PLG: variants seen among roughly 807,000 people sequenced by gnomAD.
PLG encodes plasmin.
PLG carries 41 observed loss-of-function variants against 104.4 expected under a neutral mutation model. That is an observed-to-expected ratio of 0.39 (90% CI 0.31 to 0.51). PLG has a LOEUF of 0.51. Ranked by LOEUF, PLG falls within the 20% of genes least tolerant of loss-of-function variation. The pLI is 0.76. For synonymous variants in PLG, 337 were observed against 357.1 expected (o/e 0.94, Z 0.63); for missense variants, 891 against 1,003.6 (o/e 0.89, Z 1.52).
intron 1 of PLG, among the ~76,000 whole-genome samples, chr6:160,703,500 C>T (rs1777462944): frequency 1.3e-5 from 2 of 152,184 alleles, no homozygotes; most frequent in Admixed American, 1.3e-4. Flanking sequence ...CCATTTTGAA[C>T]ATTTCATACA....
chr6:160,739,421 T>C lies in PLG; in HGVS notation c.2018+213T>C, dbSNP rs1244254204. 6.6e-6 allele frequency among the ~76,000 whole-genome samples: 1 copy of C among 152,136 alleles called. No homozygotes were observed. The highest frequency in any genetic ancestry group is 1.5e-5 in the Non-Finnish European group (1 of 68,042). ...AAGGCAGCAGGACTCCGTTTTCTCA[T>C]GTGGAAAAAGAGTTGAAATGAGGTA... is the stretch of plus-strand genomic sequence containing the variant. On this transcript the variant is annotated intron_variant, in intron 16 of 18. Transcript: ENST00000308192. The surrounding 1 kb of genome is among the most constrained non-coding windows in gnomAD (Gnocchi z 4.4).
chr6:160,735,517 C>A lies in PLG; in HGVS notation c.1682-1370C>A, dbSNP rs974687216. Among the ~76,000 whole-genome samples, 2 of 152,178 alleles carry A rather than the reference C, an allele frequency of 1.3e-5. No individual in the cohort carries two copies. Among genetic ancestry groups the A allele is most frequent in the African/African-American group, 4.8e-5 (2 of 41,438 alleles). On this transcript the variant is annotated intron_variant, in intron 13 of 18. Coordinates refer to ENST00000308192, the MANE Select transcript of PLG (RefSeq NM_000301.5). This position sits in a 1 kb window ranked among gnomAD's most constrained non-coding sequence, Gnocchi z 5.4. Reference sequence around the variant, plus strand: ...AAGGACTGTGAGGTCCCCCACCTAACCTTGATGTGAGACAAGTGAGGTTAA... The same window carrying A: ...AAGGACTGTGAGGTCCCCCACCTAAACTTGATGTGAGACAAGTGAGGTTAA...
Position 160,736,244 on chromosome 6 carries a change from A to G in PLG, c.1682-643A>G, listed in dbSNP as rs892355362. ...CAGAGAGAAGGCAGGGAGGAGGAAA[A>G]GAAGAATAAAGTCATATGTTTAAGT... On this transcript the variant is annotated intron_variant, in intron 13 of 18. Coordinates refer to ENST00000308192, the MANE Select transcript of PLG (RefSeq NM_000301.5). The surrounding 1 kb of genome is among the most constrained non-coding windows in gnomAD (Gnocchi z 5.2). Among the ~76,000 whole-genome samples the G allele has an allele frequency of 1.3e-5, 2 of 152,144 alleles. No homozygotes were observed. Among genetic ancestry groups the G allele is most frequent in the African/African-American group, 4.8e-5 (2 of 41,416 alleles).
chr6:160,712,016 T>G (rs1777652633), intron 4 of PLG: 2 of 737,488 alleles, frequency 2.7e-6, no homozygotes, highest in Admixed American at 9.3e-5. Flanking sequence ...TTACTCACCT[T>G]TATCCATTCC....
intron 1 of PLG, among the ~76,000 whole-genome samples, chr6:160,704,152 G>A (rs1437245963): frequency 6.6e-6 from 1 of 152,172 alleles, no homozygotes; most frequent in Non-Finnish European, 1.5e-5. Flanking sequence ...TAAAAGATTT[G>A]TTTGATGTTT....
Position 160,706,669 on chromosome 6 carries a change from G to T in PLG, c.185+127G>T. 10 of 954,070 alleles carry T rather than the reference G, an allele frequency of 1.0e-5. No homozygotes were observed. In the South Asian group the frequency reaches 1.5e-4, roughly 14 times the overall value. 59.1% of individuals were successfully genotyped at this position (954,070 alleles called of 1,614,324 possible). On this transcript the variant is annotated intron_variant, in intron 2 of 18. Coordinates refer to ENST00000308192, the MANE Select transcript of PLG (RefSeq NM_000301.5). ...GGAGCCAGAGTTTGGAACTATATTT[G>T]CTCACAGTATGTGAAGCCATACTAA...
intron 1 of PLG, chr6:160,705,440 T>C (rs1315696391): frequency 6.6e-6 from 1 of 152,198 alleles, no homozygotes; most frequent in Non-Finnish European, 1.5e-5. Context: ...AGGTCCTGCT[T>C]TTTTACAATT....
rs557814370 is a variant in PLG at position 160,753,455 on chromosome 6, G to A, written c.*394G>A. The A allele has an allele frequency of 3.0e-6, 1 of 337,758 alleles. No homozygotes were observed. Among genetic ancestry groups the A allele is most frequent in the South Asian group, 2.6e-5 (1 of 38,652 alleles). 20.9% of individuals were successfully genotyped at this position (337,758 alleles called of 1,614,324 possible). A position where few individuals can be genotyped will look rare whatever the true frequency, so the allele number is the denominator to read the frequency against. Reference sequence around the variant, plus strand: ...AGGGGAGAGCCAAGAAGTTGTCCACGCATTTACCTCATCAGCTAACGAGGG... The same window carrying A: ...AGGGGAGAGCCAAGAAGTTGTCCACACATTTACCTCATCAGCTAACGAGGG... On this transcript the variant is annotated 3_prime_UTR_variant, in exon 19 of 19. Coordinates refer to ENST00000308192, the MANE Select transcript of PLG (RefSeq NM_000301.5). This position sits in a 1 kb window ranked among gnomAD's most constrained non-coding sequence, Gnocchi z 5.4.
intron 2 of PLG, among the ~76,000 whole-genome samples, chr6:160,707,280 G>A (rs564252669): frequency 1.3e-5 from 2 of 152,142 alleles, no homozygotes; most frequent in African/African-American, 2.4e-5. Flanking sequence ...GATGGGAGGG[G>A]TCAGGGGCCA....
rs923055542 is a variant in PLG, at chr6:160,731,874, G to A, written c.1568G>A (p.Arg523Gln). The A allele has an allele frequency of 5.0e-6, 8 of 1,613,936 alleles. No individual in the cohort carries two copies. Among genetic ancestry groups the A allele is most frequent in the East Asian group, 2.2e-5 (1 of 44,884 alleles). ...HSIFTPETNPRAGLEKNYCRN... is the reference protein window; with the variant it reads ...HSIFTPETNPQAGLEKNYCRN... ...ATTTTCACTCCAGAGACAAATCCAC[G>A]GGCGGGTCTGGAAAAAAATGTAAGC... The change falls in exon 12 of 19, where the codon CGG becomes CAG. Residue 523 changes from arginine to glutamine, a missense_variant. Transcript: ENST00000308192. This position sits in a 1 kb window ranked among gnomAD's most constrained non-coding sequence, Gnocchi z 5.1.
intron 1 of PLG, chr6:160,706,078 A>G: frequency 2.8e-6 from 1 of 352,338 alleles, no homozygotes; most frequent in Non-Finnish European, 5.4e-6. Context: ...AAATTGCGTG[A>G]CACTGAGCTT....
At chr6:160,730,968 T>C (rs1372892481) in intron 10 of PLG, 83 bp from the exon 11 acceptor site, 27 of 1,392,384 alleles carry the variant, frequency 1.9e-5, no homozygotes, top group Non-Finnish European at 2.5e-5. Context: ...GTTAACACTT[T>C]GTTAGAACAA....
rs114049598 is a variant in PLG at position 160,748,891 on chromosome 6, C to T, written c.2126-3224C>T. On this transcript the variant is annotated intron_variant, in intron 17 of 18. Transcript: ENST00000308192. ...CAATAGTCTTCCAGCTCTGAGAGGT[C>T]GAACTTGTGTCACCAGCCTGCCCCT... Among the ~76,000 whole-genome samples, 1,433 of 152,254 alleles carry T rather than the reference C, an allele frequency of 9.4e-3. 21 individuals carry two copies. The highest frequency in any genetic ancestry group is 0.033 in the African/African-American group (1,365 of 41,538).
At chr6:160,748,378 A>AAGAG (rs1405091216) in intron 17 of PLG, among the ~76,000 whole-genome samples, 2 of 41,730 alleles carry the variant, frequency 4.8e-5, no homozygotes. Context: ...GAAAGAAAGA[A>AAGAG]AGAAAGAAAG....
chr6:160,742,193 G>A (rs1488195373), intron 17 of PLG, among the ~76,000 whole-genome samples: 1 of 152,158 alleles, frequency 6.6e-6, no homozygotes, highest in Non-Finnish European at 1.5e-5. Flanking sequence ...AGGATTGCTG[G>A]GTTGAAAGTT....
At chr6:160,751,385 A>G (rs550210268) in intron 17 of PLG, among the ~76,000 whole-genome samples, 13 of 152,338 alleles carry the variant, frequency 8.5e-5, no homozygotes, top group African/African-American at 2.9e-4. Flanking sequence ...AGAAATGATA[A>G]AAGTGCCTGT....
chr6:160,748,394 A>AAGAG (rs1272644844), intron 17 of PLG, among the ~76,000 whole-genome samples: 2 of 43,194 alleles, frequency 4.6e-5, no homozygotes, highest in South Asian at 2.0e-3. Flanking sequence ...GAAAGAAAGA[A>AAGAG]AGAAAGGAAG....
rs572004723 is a variant in PLG at position 160,707,626 on chromosome 6, C to T, written c.186-74C>T. On this transcript the variant is annotated intron_variant, in intron 2 of 18. Coordinates refer to ENST00000308192, the MANE Select transcript of PLG (RefSeq NM_000301.5). ...AGATATTCAATGATCTTTAGCATGT[C>T]TCACTTATTAATAAACATTTGTTTT... 15 of 1,415,824 alleles carry T rather than the reference C, an allele frequency of 1.1e-5. No homozygotes were observed. In the East Asian group the frequency reaches 2.7e-4, roughly 26 times the overall value. 87.7% of individuals were successfully genotyped at this position (1,415,824 alleles called of 1,614,324 possible).
intron 3 of PLG, among the ~76,000 whole-genome samples, chr6:160,709,416 T>A (rs895345981): frequency 6.6e-6 from 1 of 152,224 alleles, no homozygotes; most frequent in South Asian, 2.1e-4. Flanking sequence ...ACTTCCCTGT[T>A]TAAAGCCCTT....
Sources: allele counts gnomAD v4.1 joint callset (sites outside exome capture counted in the v4.1 genomes callset), GRCh38; gene constraint gnomAD v4.1.1; non-coding constraint Gnocchi (gnomAD v3.1); transcripts MANE v1.5; gene names NCBI Gene and HGNC (gene_info 2026-07-23, HGNC 2026-07-21).